SLC18A1: variants seen among roughly 807,000 people sequenced by gnomAD.
SLC18A1 encodes chromaffin granule amine transporter.
A neutral mutation model predicts 53.7 loss-of-function variants in SLC18A1; 69 were observed. That is an observed-to-expected ratio of 1.28 (90% confidence interval 1.06 to 1.57). The LOEUF is 1.57. SLC18A1 is among the 40% of genes most tolerant of loss of function. SLC18A1 has a pLI of 0.00. For missense variants in SLC18A1, 932 were observed against 668.1 expected (o/e 1.40, Z -4.35); for synonymous variants, 320 against 248.1 (o/e 1.29, Z -2.72).
At chr8:20,148,951 C>G (rs148182281) in intron 12 of SLC18A1, among the ~76,000 whole-genome samples, 1 of 152,126 alleles carries the variant, frequency 6.6e-6, no homozygotes, top group Non-Finnish European at 1.5e-5. Context: ...GCTGAGCACA[C>G]GGAGATGAAG....
At chr8:20,146,822 CAAAAAA>C (rs10604873) in intron 15 of SLC18A1, among the ~76,000 whole-genome samples, 1 of 137,714 alleles carries the variant, frequency 7.3e-6, no homozygotes, top group Non-Finnish European at 1.6e-5. Flanking sequence ...GAAACTCCAT[CAAAAAA>C]AAAAAAAAAA....
intron 8 of SLC18A1, among the ~76,000 whole-genome samples, chr8:20,169,076 C>A (rs1008550616): frequency 6.6e-6 from 1 of 152,026 alleles, no homozygotes; most frequent in African/African-American, 2.4e-5. Flanking sequence ...CAGACAACAC[C>A]TTGACCCAGT....
At position 20,145,985 on chromosome 8, in the gene SLC18A1, G is replaced by A. The variant is rs1357717423; in HGVS notation, c.1465-109C>T. On this transcript the variant is annotated intron_variant, in intron 15 of 15. Transcript: ENST00000276373. ...GGCTGGAGTGCAGTGGCGCAATCTC[G>A]GCTCACTGCAAGCTCCGCCTCCCGG... 5.5e-5 allele frequency: 29 copies of A among 531,868 alleles called. No homozygotes were observed. The East Asian group carries it at 8.8e-4, about 16-fold the overall frequency. 32.9% of individuals were successfully genotyped at this position (531,868 alleles called of 1,614,324 possible).
intron 12 of SLC18A1, among the ~76,000 whole-genome samples, 157 bp downstream of exon 12, chr8:20,149,519 C>G (rs906065224): frequency 3.3e-5 from 5 of 151,854 alleles, no homozygotes; most frequent in Non-Finnish European, 7.4e-5. Context: ...ACAGTCCTTG[C>G]CAAGCCATCT....
chr8:20,171,086 G>C lies in SLC18A1; in HGVS notation c.858+17C>G, dbSNP rs776786641. On this transcript the variant is annotated intron_variant, in intron 8 of 15. Coordinates refer to ENST00000276373, the MANE Select transcript of SLC18A1 (RefSeq NM_003053.4). The stretch of plus-strand genomic sequence containing the variant: ...ATCCTGTATAACTGTTAGAAATGGA[G>C]CTTTGTGTCTGCTTACCTCAGGAGA... The C allele has an allele frequency of 5.0e-6, 8 of 1,613,548 alleles. No homozygotes were observed. The highest frequency in any genetic ancestry group is 6.8e-6 in the Non-Finnish European group (8 of 1,179,482).
rs772520790 is a variant in SLC18A1 at position 20,179,390 on chromosome 8, G to T, written c.219C>A (p.Leu73=). ...LGHAGSSPHA[L]ASPAFSTIFS... is the part of the protein sequence containing the mutation. ...AGATGGTGGAAAAGGCAGGAGAGGC[G>T]AGGGCATGTGGGGAACTTCCGGCAT... is the stretch of plus-strand genomic sequence containing the variant. The change falls in exon 3 of 16, where the codon CTC becomes CTA. Residue 73 remains leucine (L), a synonymous_variant. Coordinates refer to ENST00000276373, the MANE Select transcript of SLC18A1 (RefSeq NM_003053.4). 4 of 1,614,050 alleles carry T rather than the reference G, an allele frequency of 2.5e-6. No homozygotes were observed. Among genetic ancestry groups the T allele is most frequent in the South Asian group, 2.2e-5 (2 of 91,074 alleles).
intron 10 of SLC18A1, among the ~76,000 whole-genome samples, chr8:20,155,587 T>G (rs1251290911): frequency 1.3e-5 from 2 of 152,192 alleles, no homozygotes; most frequent in Admixed American, 6.5e-5. Flanking sequence ...GTTGCCCATG[T>G]GTGCACCCCT....
chr8:20,174,733 T>C (rs1286638080), intron 4 of SLC18A1, among the ~76,000 whole-genome samples: 1 of 152,132 alleles, frequency 6.6e-6, no homozygotes, highest in African/African-American at 2.4e-5. Flanking sequence ...CAACATTCTG[T>C]CCACTGAAAT....
intron 8 of SLC18A1, among the ~76,000 whole-genome samples, chr8:20,168,414 G>T (rs1447904242): frequency 6.6e-6 from 1 of 151,906 alleles, no homozygotes; most frequent in Admixed American, 6.6e-5. Context: ...ACAAAAATAG[G>T]ACTCCATGAT....
chr8:20,145,543 A>G lies in SLC18A1; in HGVS notation c.*220T>C, dbSNP rs560035115. On this transcript the variant is annotated 3_prime_UTR_variant, in exon 16 of 16. Transcript: ENST00000276373. ...GGAAGGTGCATCACTCTGTCTTCCC[A>G]TAAAAGATGGGCCACTGCGGCACCA... The G allele has an allele frequency of 1.3e-5, 5 of 388,424 alleles. No individual in the cohort carries two copies. Among genetic ancestry groups the G allele is most frequent in the Middle Eastern group, 6.6e-4 (1 of 1,522 alleles). The allele number at this position is 388,424 out of a possible 1,614,324, so 24.1% of individuals were successfully genotyped here. A position where few individuals can be genotyped will look rare whatever the true frequency, so the allele number is the denominator to read the frequency against.
chr8:20,182,436 C>T (rs1265096629), intron 1 of SLC18A1, among the ~76,000 whole-genome samples: 1 of 152,140 alleles, frequency 6.6e-6, no homozygotes, highest in Non-Finnish European at 1.5e-5. Flanking sequence ...AACTTTATCT[C>T]AATTGTCTAA....
intron 3 of SLC18A1, among the ~76,000 whole-genome samples, 161 bp from the exon 4 acceptor site, chr8:20,178,654 A>T (rs1245076714): frequency 2.0e-5 from 3 of 152,240 alleles, no homozygotes; most frequent in African/African-American, 7.2e-5. Context: ...CATGTGGATG[A>T]GTATGAGCAA....
intron 12 of SLC18A1, 88 bp downstream of exon 12, chr8:20,149,588 C>T: frequency 1.1e-6 from 1 of 940,968 alleles, no homozygotes; most frequent in Middle Eastern, 2.3e-4. Flanking sequence ...CTCTCTCTCT[C>T]CCTCTCTCTC....
chr8:20,151,331 C>A (rs1470681845), intron 10 of SLC18A1, among the ~76,000 whole-genome samples: 1 of 152,004 alleles, frequency 6.6e-6, no homozygotes, highest in Non-Finnish European at 1.5e-5. Context: ...CACTTAGATT[C>A]CTAATGAATG....
Position 20,180,909 on chromosome 8 carries a change from G to T in SLC18A1, c.56C>A (p.Ser19Tyr), listed in dbSNP as rs1489673827. Residue 19 changes from serine to tyrosine, a missense_variant, in exon 2 of 16, where the codon TCC becomes TAC. Transcript: ENST00000276373. ...PQRLLKEGRA[S>Y]RQLVLVVVFV... ...TACCACCACCAGCACCAGCTGCCGG[G>T]ACGCTCTCCCCTCCTTCAGCAACCG... The T allele has an allele frequency of 1.9e-6, 3 of 1,611,642 alleles. No homozygotes were observed. Among genetic ancestry groups the T allele is most frequent in the Non-Finnish European group, 2.5e-6 (3 of 1,178,870 alleles).
At chr8:20,178,202 G>C (rs1041006431) in intron 4 of SLC18A1, among the ~76,000 whole-genome samples, 4 of 151,930 alleles carry the variant, frequency 2.6e-5, no homozygotes, top group African/African-American at 7.3e-5. Context: ...CTGAAGTGAA[G>C]TGAATAAAAT....
chr8:20,167,595 G>A (rs1353965925), intron 8 of SLC18A1, among the ~76,000 whole-genome samples: 4 of 151,938 alleles, frequency 2.6e-5, no homozygotes, highest in African/African-American at 9.7e-5. Flanking sequence ...AGAGCACATT[G>A]AGTCCCCATA....
At chr8:20,159,206 C>T (rs1023148429) in intron 10 of SLC18A1, among the ~76,000 whole-genome samples, 11 of 152,176 alleles carry the variant, frequency 7.2e-5, no homozygotes, top group African/African-American at 2.7e-4. Context: ...CTTTCAACTG[C>T]ATGACCCCTA....
At position 20,174,352 on chromosome 8, in the gene SLC18A1, C is replaced by T. The variant is rs866228029; in HGVS notation, c.631+9G>A. 1.9e-6 allele frequency: 3 copies of T among 1,600,586 alleles called. No homozygotes were observed. The highest frequency in any genetic ancestry group is 1.7e-4 in the Middle Eastern group (1 of 6,032). ...CATGTGTGTGTGCATGATGAGTTGC[C>T]AGTGTTACCTGCAACAGATGAAAAT... is the stretch of plus-strand genomic sequence containing the variant. On this transcript the variant is annotated intron_variant, in intron 5 of 15. Transcript: ENST00000276373.
Sources: gnomAD v4.1 joint callset for allele counts (sites outside exome capture counted in the v4.1 genomes callset) on GRCh38, gnomAD v4.1.1 for gene constraint, MANE v1.5 for transcripts, NCBI Gene and HGNC (gene_info 2026-07-23, HGNC 2026-07-21) for gene names.